STARD13: variants seen among roughly 807,000 people sequenced by gnomAD.
STARD13 encodes the protein StAR related lipid transfer domain containing 13.
STARD13 carries 62 observed loss-of-function variants against 106.4 expected under a neutral mutation model. The ratio of observed to expected loss-of-function variants is 0.58; its 90% CI spans 0.48 to 0.72. The LOEUF (loss-of-function observed/expected upper bound fraction) is 0.72. Ranked by LOEUF, STARD13 falls within the 30% of genes least tolerant of loss-of-function variation. STARD13 has a pLI of 0.00. For missense variants in STARD13, 1,387 were observed against 1,424.0 expected (o/e 0.97, Z 0.42); for synonymous variants, 565 against 553.0 (o/e 1.02, Z -0.31).
chr13:33,522,136 T>C, the STARD13 span, among the ~76,000 whole-genome samples: 1 of 152,172 alleles, frequency 6.6e-6, no homozygotes, highest in Non-Finnish European at 1.5e-5. Flanking sequence ...AAACAAAATG[T>C]GGATCACAGT....
At chr13:33,210,057 G>C (rs751033682) in intron 1 of STARD13, among the ~76,000 whole-genome samples, 5 of 152,152 alleles carry the variant, frequency 3.3e-5, no homozygotes, top group Non-Finnish European at 7.4e-5. Context: ...GCAGACGCTG[G>C]GGTCGACAAC....
intron 3 of STARD13, among the ~76,000 whole-genome samples, chr13:33,154,165 G>C (rs948402796): frequency 1.3e-5 from 2 of 152,310 alleles, no homozygotes; most frequent in Middle Eastern, 3.4e-3. Flanking sequence ...GAGGGTGTCG[G>C]GCGCACTGGG....
chr13:33,350,448 C>T, exon 1 of STARD13: 1 of 1,515,246 alleles, frequency 6.6e-7, no homozygotes, highest in Non-Finnish European at 8.8e-7. Flanking sequence ...GGCGGGCTCT[C>T]CACCGCCACT....
At chr13:33,507,758 T>C in the STARD13 span, among the ~76,000 whole-genome samples, 1 of 152,202 alleles carries the variant, frequency 6.6e-6, no homozygotes. Flanking sequence ...ATGTTGTATG[T>C]ATTATATACT....
At chr13:33,276,773 T>G (rs1891460369) in intron 1 of STARD13, 1 of 152,190 alleles carries the variant, frequency 6.6e-6, no homozygotes, top group African/African-American at 2.4e-5. Context: ...CAAGTTCCTT[T>G]CCAATCTCTC....
chr13:33,358,787 G>A, the STARD13 span, among the ~76,000 whole-genome samples: 1 of 151,408 alleles, frequency 6.6e-6, no homozygotes, highest in African/African-American at 2.4e-5. Context: ...CTCAGGGATT[G>A]TAAATACACC....
the STARD13 span, chr13:33,659,798 C>T: frequency 6.6e-6 from 1 of 152,150 alleles, no homozygotes; most frequent in South Asian, 2.1e-4. Context: ...AAGAAAATGA[C>T]ATCCTGAGCT....
chr13:33,163,819 AT>A (rs1218381665), intron 3 of STARD13, among the ~76,000 whole-genome samples: 1 of 149,528 alleles, frequency 6.7e-6, no homozygotes, highest in Non-Finnish European at 1.5e-5. Context: ...ATGGGAAAAA[AT>A]AATATATAAT....
At chr13:33,446,143 A>G in the STARD13 span, among the ~76,000 whole-genome samples, 16 of 151,810 alleles carry the variant, frequency 1.1e-4, no homozygotes, top group African/African-American at 3.6e-4. Context: ...CAGTTGATGA[A>G]GAAGTAAAAT....
the STARD13 span, among the ~76,000 whole-genome samples, chr13:33,392,039 C>T: frequency 6.6e-6 from 1 of 152,090 alleles, no homozygotes. Flanking sequence ...TCAACTTCTT[C>T]GTTTTGCAGG....
chr13:33,665,985 A>T, the STARD13 span, among the ~76,000 whole-genome samples: 1 of 152,168 alleles, frequency 6.6e-6, no homozygotes, highest in African/African-American at 2.4e-5. Flanking sequence ...CCTGGAATGA[A>T]CCAAGGCACA....
At chr13:33,415,236 C>T in the STARD13 span, among the ~76,000 whole-genome samples, 24 of 152,176 alleles carry the variant, frequency 1.6e-4, no homozygotes, top group Admixed American at 1.6e-3. Flanking sequence ...GGCGTGGTGG[C>T]GGGCGCCTGT....
chr13:33,391,641 G>A, the STARD13 span, among the ~76,000 whole-genome samples: 1 of 152,284 alleles, frequency 6.6e-6, no homozygotes, highest in East Asian at 1.9e-4. Context: ...GAGTGTTTTG[G>A]TAAAGACACT....
At chr13:33,650,145 T>C in the STARD13 span, among the ~76,000 whole-genome samples, 1 of 134,758 alleles carries the variant, frequency 7.4e-6, no homozygotes, top group Admixed American at 8.1e-5. Context: ...GTCCCACACC[T>C]GAATGTGACG....
At chr13:33,483,050 A>T in the STARD13 span, among the ~76,000 whole-genome samples, 10 of 152,204 alleles carry the variant, frequency 6.6e-5, no homozygotes, top group Non-Finnish European at 1.5e-5. Flanking sequence ...AACCTTCAGT[A>T]TGCATTTCCC....
chr13:33,151,669 A>G lies in STARD13; in HGVS notation c.324-9296T>C, dbSNP rs539666793. On this transcript the variant is annotated intron_variant, in intron 3 of 13. Coordinates refer to ENST00000336934, the MANE Select transcript of STARD13 (RefSeq NM_178006.4). ...TAGATCACAAAGGATTCAAATGAAG[A>G]TGTTAGGAGCAATCTGGTACAATGA... Among the ~76,000 whole-genome samples the G allele has an allele frequency of 2.0e-5, 3 of 152,328 alleles. No individual in the cohort carries two copies. The East Asian group carries it at 5.8e-4, about 29-fold the overall frequency.
intron 1 of STARD13, among the ~76,000 whole-genome samples, chr13:33,307,365 T>C (rs947844999): frequency 6.6e-6 from 1 of 152,190 alleles, no homozygotes; most frequent in Non-Finnish European, 1.5e-5. Flanking sequence ...CATGTGTATG[T>C]TCACTGCAGC....
chr13:33,587,215 CA>C, the STARD13 span, among the ~76,000 whole-genome samples: 2,274 of 96,690 alleles, frequency 0.024, 30 homozygotes, highest in African/African-American at 0.058. Flanking sequence ...GACTCTGTCT[CA>C]AAAAAAAAAA....
the STARD13 span, among the ~76,000 whole-genome samples, chr13:33,616,665 A>G: frequency 6.6e-6 from 1 of 152,248 alleles, no homozygotes; most frequent in South Asian, 2.1e-4. Flanking sequence ...TGCCTACTAC[A>G]AGCCATACAT....
Sources: allele counts gnomAD v4.1 joint callset (sites outside exome capture counted in the v4.1 genomes callset), GRCh38; gene constraint gnomAD v4.1.1; transcripts MANE v1.5; gene names NCBI Gene and HGNC (gene_info 2026-07-23, HGNC 2026-07-21).